The following LMBRD1 variants were observed in gnomAD, a reference collection of about 807,000 sequenced individuals.
The protein encoded by LMBRD1 is lysosomal cobalamin transport escort protein LMBD1.
LMBRD1 carries 64 observed loss-of-function variants against 74.8 expected under a neutral mutation model. The ratio of observed to expected loss-of-function variants is 0.86; its 90% CI spans 0.70 to 1.05. The LOEUF (loss-of-function observed/expected upper bound fraction) is 1.05. LMBRD1 is among the 50% of genes least tolerant of loss of function. The pLI, the probability that LMBRD1 is intolerant of heterozygous loss-of-function variation, is 0.00. For synonymous variants in LMBRD1, 204 were observed against 216.3 expected (o/e 0.94, Z 0.50); for missense variants, 652 against 645.9 (o/e 1.01, Z -0.10).
At chr6:69,746,075 C>A in intron 5 of LMBRD1, 1 of 208,044 alleles carries the variant, frequency 4.8e-6, no homozygotes, top group Non-Finnish European at 1.0e-5. Context: ...AACCTGTCAT[C>A]ATTGGAAATC....
intron 3 of LMBRD1, among the ~76,000 whole-genome samples, chr6:69,753,880 G>C (rs1201697668): frequency 1.3e-5 from 2 of 151,852 alleles, no homozygotes; most frequent in Non-Finnish European, 2.9e-5. Flanking sequence ...GGCAGAGCTT[G>C]CAGTGAGCCG....
chr6:69,735,443 T>TA lies in LMBRD1; in HGVS notation c.636+2498dup, dbSNP rs11290967. On this transcript the variant is annotated intron_variant, in intron 7 of 15. Coordinates refer to ENST00000649934, the MANE Select transcript of LMBRD1 (RefSeq NM_018368.4). ...ACATCAACATTATAGGAAAACAACA[T>TA]AAAAAAAAAAAAAAAGATGTTATTT... 4.6e-3 allele frequency among the ~76,000 whole-genome samples: 669 copies of TA among 144,602 alleles called. 4 individuals are homozygous for TA. The highest frequency in any genetic ancestry group is 5.9e-3 in the Non-Finnish European group (383 of 64,424). 94.9% of individuals were successfully genotyped at this position (144,602 alleles called of 152,430 possible). A position where few individuals can be genotyped will look rare whatever the true frequency, so the allele number is the denominator to read the frequency against.
chr6:69,779,543 C>T lies in LMBRD1; in HGVS notation c.307+951G>A, dbSNP rs190777273. Among the ~76,000 whole-genome samples, 98 of 152,070 alleles carry T rather than the reference C, an allele frequency of 6.4e-4. 1 individual carries two copies. In the East Asian group the frequency reaches 0.017, roughly 26 times the overall value. ...GAGAGTAAAGTTGATAGTACAAATT[C>T]CCCAGAGACTGCAGTCTACTAATGG... is the stretch of plus-strand genomic sequence containing the variant. On this transcript the variant is annotated intron_variant, in intron 3 of 15. Coordinates refer to ENST00000649934, the MANE Select transcript of LMBRD1 (RefSeq NM_018368.4).
At position 69,795,960 on chromosome 6, in the gene LMBRD1, T is replaced by C. The variant is rs912368813; in HGVS notation, c.69+853A>G. ...AAAATACGTGAGAACAGAAAGTAAC[T>C]ACAGCCTCGGACGATGAGAAAAGAG... On this transcript the variant is annotated intron_variant, in intron 1 of 15. Transcript: ENST00000649934. Among the ~76,000 whole-genome samples, 3 of 152,288 alleles carry C rather than the reference T, an allele frequency of 2.0e-5. No individual in the cohort carries two copies. The East Asian group carries it at 5.8e-4, about 29-fold the overall frequency.
intron 14 of LMBRD1, among the ~76,000 whole-genome samples, chr6:69,677,188 G>GC (rs1379759994): frequency 6.6e-6 from 1 of 152,194 alleles, no homozygotes; most frequent in Admixed American, 6.6e-5. Context: ...TTGGACAAAA[G>GC]TGTATAACCA....
chr6:69,796,721 G>A (rs1766241706), intron 1 of LMBRD1, 92 bp downstream of exon 1: 1 of 1,177,944 alleles, frequency 8.5e-7, no homozygotes, highest in Admixed American at 1.9e-5. Context: ...GGCGAAGAGG[G>A]TCTCCGGGGC....
At chr6:69,678,997 A>G (rs1765604796) in intron 14 of LMBRD1, among the ~76,000 whole-genome samples, 1 of 151,660 alleles carries the variant, frequency 6.6e-6, no homozygotes, top group Admixed American at 6.6e-5. Context: ...TTACTTCTGA[A>G]TTGCTCAATA....
intron 3 of LMBRD1, among the ~76,000 whole-genome samples, chr6:69,761,251 A>G (rs1009903090): frequency 1.3e-5 from 2 of 152,072 alleles, no homozygotes; most frequent in Admixed American, 6.6e-5. Context: ...TTCCCCATGG[A>G]TATTTTTGGT....
At chr6:69,694,955 A>G (rs1765961949) in intron 14 of LMBRD1, among the ~76,000 whole-genome samples, 1 of 152,112 alleles carries the variant, frequency 6.6e-6, no homozygotes, top group South Asian at 2.1e-4. Flanking sequence ...TTCTCAGTAT[A>G]TGTCCTGAGC....
chr6:69,732,775 A>G (rs527247105), intron 7 of LMBRD1, among the ~76,000 whole-genome samples: 2 of 152,164 alleles, frequency 1.3e-5, no homozygotes, highest in Admixed American at 6.5e-5. Context: ...CTGCTTCTAT[A>G]GGCAGTTCAC....
At chr6:69,723,168 A>G (rs1438604439) in intron 7 of LMBRD1, among the ~76,000 whole-genome samples, 1 of 152,186 alleles carries the variant, frequency 6.6e-6, no homozygotes, top group African/African-American at 2.4e-5. Context: ...GCACCCAGAT[A>G]TATAAAGCAA....
intron 7 of LMBRD1, among the ~76,000 whole-genome samples, chr6:69,732,676 T>C (rs1326907626): frequency 6.6e-6 from 1 of 152,220 alleles, no homozygotes. Context: ...CATAATAATA[T>C]GTAAATATGT....
rs541104778 is a variant in LMBRD1, at chr6:69,683,403, T to C, written c.1418-6862A>G. 1.4e-4 allele frequency among the ~76,000 whole-genome samples: 22 copies of C among 152,152 alleles called. No homozygotes were observed. The South Asian group carries it at 2.3e-3, about 16-fold the overall frequency. On this transcript the variant is annotated intron_variant, in intron 14 of 15. Coordinates refer to ENST00000649934, the MANE Select transcript of LMBRD1 (RefSeq NM_018368.4). The stretch of plus-strand genomic sequence containing the variant: ...TCTAGTTTATTTAATAGTTAAACTT[T>C]CTAGGGTAAATTAATTAGCTGCCAT...
chr6:69,693,269 T>C (rs1309962796), intron 14 of LMBRD1, among the ~76,000 whole-genome samples: 1 of 152,136 alleles, frequency 6.6e-6, no homozygotes, highest in African/African-American at 2.4e-5. Flanking sequence ...TATTCTTTAA[T>C]GGATTATTTT....
At chr6:69,677,144 G>C (rs1406143759) in intron 14 of LMBRD1, among the ~76,000 whole-genome samples, 3 of 152,210 alleles carry the variant, frequency 2.0e-5, no homozygotes, top group African/African-American at 7.2e-5. Flanking sequence ...CGTCAATGAA[G>C]AATGGAGAGC....
chr6:69,697,677 G>A (rs534063644), intron 13 of LMBRD1, 36 bp from the exon 14 acceptor site: 118 of 1,233,104 alleles, frequency 9.6e-5, no homozygotes, highest in Admixed American at 3.4e-4. Context: ...TATAAAAACC[G>A]CATTAATAAA....
chr6:69,679,599 G>A (rs1012297003), intron 14 of LMBRD1, among the ~76,000 whole-genome samples: 1 of 151,994 alleles, frequency 6.6e-6, no homozygotes, highest in African/African-American at 2.4e-5. Flanking sequence ...ATTGAAATCT[G>A]ACAAGATTCC....
chr6:69,759,735 C>T (rs1178409343), intron 3 of LMBRD1, among the ~76,000 whole-genome samples: 1 of 152,042 alleles, frequency 6.6e-6, no homozygotes, highest in Non-Finnish European at 1.5e-5. Context: ...TAAATCAAAA[C>T]ACAGAAGCCT....
intron 7 of LMBRD1, among the ~76,000 whole-genome samples, chr6:69,725,305 A>G (rs1372407755): frequency 1.3e-5 from 2 of 151,334 alleles, no homozygotes; most frequent in Admixed American, 6.6e-5. Flanking sequence ...CTACAGATTC[A>G]ATGCAATCCC....
Sources: gnomAD v4.1 joint callset for allele counts (sites outside exome capture counted in the v4.1 genomes callset) on GRCh38, gnomAD v4.1.1 for gene constraint, MANE v1.5 for transcripts, NCBI Gene and HGNC (gene_info 2026-07-23, HGNC 2026-07-21) for gene names.